Variants in MX1 observed in about 807,000 individuals in gnomAD.
MX1 encodes MX dynamin like GTPase 1.
In MX1, 66 loss-of-function variants were observed where a neutral mutation model predicts 66.4. The ratio of observed to expected loss-of-function variants is 0.99; its 90% CI spans 0.82 to 1.22. MX1 has a LOEUF of 1.22. Among genes scored for constraint, MX1 ranks in the 50% most tolerant of loss-of-function variants. MX1 has a pLI of 0.00. For missense variants in MX1, 787 were observed against 834.3 expected (o/e 0.94, Z 0.70); for synonymous variants, 311 against 318.1 (o/e 0.98, Z 0.24).
At position 41,441,698 on chromosome 21, in the gene MX1, A is replaced by T; in HGVS notation, c.731-18A>T. 6.2e-7 allele frequency: 1 copy of T among 1,613,954 alleles called. No homozygotes were observed. Among genetic ancestry groups the T allele is most frequent in the Non-Finnish European group, 8.5e-7 (1 of 1,179,852 alleles). ...CGTGACTGAGCACGTTCTCTCCCCA[A>T]ATACATCTGGCTCGCAGGAATCTTG... On this transcript the variant is annotated intron_variant, in intron 9 of 16. Coordinates refer to ENST00000398598, the MANE Select transcript of MX1 (RefSeq NM_002462.5). The surrounding 1 kb of genome is among the most constrained non-coding windows in gnomAD (Gnocchi z 4.0).
Position 41,441,662 on chromosome 21 carries a change from C to T in MX1, c.731-54C>T, listed in dbSNP as rs2090516463. 2 of 1,584,796 alleles carry T rather than the reference C, an allele frequency of 1.3e-6. No individual in the cohort carries two copies. Among genetic ancestry groups the T allele is most frequent in the African/African-American group, 2.7e-5 (2 of 74,458 alleles). On this transcript the variant is annotated intron_variant, in intron 9 of 16. Transcript: ENST00000398598. This position sits in a 1 kb window ranked among gnomAD's most constrained non-coding sequence, Gnocchi z 4.0. The stretch of plus-strand genomic sequence containing the variant: ...CCGGGGGCGTGAGCAGTTGTTCGTT[C>T]ACCTCTGCCTCGTGACTGAGCACGT...
Position 41,441,228 on chromosome 21 carries a change from C to A in MX1, c.730+203C>A. 1.4e-6 allele frequency: 1 copy of A among 709,258 alleles called. No homozygotes were observed. Among genetic ancestry groups the A allele is most frequent in the East Asian group, 2.9e-5 (1 of 34,870 alleles). The allele number at this position is 709,258 out of a possible 1,614,324, so 43.9% of individuals were successfully genotyped here. A position where few individuals can be genotyped will look rare whatever the true frequency, so the allele number is the denominator to read the frequency against. ...CTCCATGGGCTTTGCTCAGTGGGGA[C>A]CTGCCTCCACTAAGACCTGCTAAGG... On this transcript the variant is annotated intron_variant, in intron 9 of 16. Transcript: ENST00000398598. The surrounding 1 kb of genome is among the most constrained non-coding windows in gnomAD (Gnocchi z 4.0).
chr21:41,439,599 G>T (rs192825917), intron 7 of MX1, 95 bp from the exon 8 acceptor site: 141 of 1,192,688 alleles, frequency 1.2e-4, no homozygotes, highest in Non-Finnish European at 1.6e-4. Context: ...TCCATGACTC[G>T]CAGAGAGGAG....
chr21:41,441,112 G>GGTGAGAATGGGGGAGCCCGCCTGTGCTCA lies in MX1; in HGVS notation c.730+115_730+116insAGTGAGAATGGGGGAGCCCGCCTGTGCTC, dbSNP rs2090499084. 8.5e-7 allele frequency: 1 copy of GGTGAGAATGGGGGAGCCCGCCTGTGCTCA among 1,172,964 alleles called. No homozygotes were observed. The highest frequency in any genetic ancestry group is 1.5e-5 in the African/African-American group (1 of 64,832). The allele number at this position is 1,172,964 out of a possible 1,614,324, so 72.7% of individuals were successfully genotyped here. A position where few individuals can be genotyped will look rare whatever the true frequency, so the allele number is the denominator to read the frequency against. On this transcript the variant is annotated intron_variant, in intron 9 of 16. Coordinates refer to ENST00000398598, the MANE Select transcript of MX1 (RefSeq NM_002462.5). The surrounding 1 kb of genome is among the most constrained non-coding windows in gnomAD (Gnocchi z 4.0). ...AGAATGGGGGAGCCCACCTGTGCTCGGTGAGAATGGGGGAGCCCGCCTGTG... is the reference window on the plus strand; with the variant it reads ...AGAATGGGGGAGCCCACCTGTGCTCGGTGAGAATGGGGGAGCCCGCCTGTGCTCAGTGAGAATGGGGGAGCCCGCCTGTG...
At chr21:41,445,596 T>A in intron 12 of MX1, 26 bp downstream of exon 12, 2 of 1,613,800 alleles carry the variant, frequency 1.2e-6, no homozygotes, top group African/African-American at 1.3e-5. Context: ...TGCATGGAGC[T>A]GGAGAAGCAC....
At position 41,441,592 on chromosome 21, in the gene MX1, G is replaced by A; in HGVS notation, c.731-124G>A. 2 of 973,146 alleles carry A rather than the reference G, an allele frequency of 2.1e-6. No homozygotes were observed. The highest frequency in any genetic ancestry group is 3.3e-6 in the Non-Finnish European group (2 of 613,518). 60.3% of individuals were successfully genotyped at this position (973,146 alleles called of 1,614,324 possible). A position where few individuals can be genotyped will look rare whatever the true frequency, so the allele number is the denominator to read the frequency against. Reference sequence around the variant, plus strand: ...CCACTGCCCCCATGGTTCTGCAGGGGCTATGGCCTGTCCTCAAGCAAGGAT... The same window carrying A: ...CCACTGCCCCCATGGTTCTGCAGGGACTATGGCCTGTCCTCAAGCAAGGAT... On this transcript the variant is annotated intron_variant, in intron 9 of 16. Coordinates refer to ENST00000398598, the MANE Select transcript of MX1 (RefSeq NM_002462.5). This position sits in a 1 kb window ranked among gnomAD's most constrained non-coding sequence, Gnocchi z 4.0.
chr21:41,455,220 T>G (rs1168426035), intron 16 of MX1, among the ~76,000 whole-genome samples: 1 of 152,206 alleles, frequency 6.6e-6, no homozygotes, highest in Non-Finnish European at 1.5e-5. Context: ...TCTGCATTTC[T>G]AACGGGCTCT....
chr21:41,449,001 T>G (rs555559710), intron 13 of MX1, 136 bp from the exon 14 acceptor site: 1 of 617,794 alleles, frequency 1.6e-6, no homozygotes, highest in African/African-American at 1.9e-5. Context: ...ATTTTTAGTT[T>G]ACCAGTTAGA....
At chr21:41,436,709 G>A (rs2090372486) in intron 6 of MX1, among the ~76,000 whole-genome samples, 2 of 152,270 alleles carry the variant, frequency 1.3e-5, no homozygotes, top group African/African-American at 4.8e-5. Flanking sequence ...AGTTTCGGGG[G>A]ATTCCCAATG....
chr21:41,456,033 G>A (rs1386052356), intron 16 of MX1, among the ~76,000 whole-genome samples: 1 of 152,202 alleles, frequency 6.6e-6, no homozygotes, highest in Non-Finnish European at 1.5e-5. Context: ...CTTGAGGCCA[G>A]GAGTTTGAGA....
At position 41,446,073 on chromosome 21, in the gene MX1, G is replaced by T. The variant is rs370594768; in HGVS notation, c.1205G>T (p.Arg402Leu). Residue 402 changes from arginine to leucine, a missense_variant, in exon 13 of 17, where the codon CGG becomes CTG. Arg to Leu is a moderately radical substitution (Grantham distance 102). Transcript: ENST00000398598. The part of the protein sequence containing the change: ...GEETVGEEDI[R>L]LFTRLRHEFH... ...GAAACTGTAGGGGAGGAAGACATTC[G>T]GCTGTTTACCAGACTCCGACACGAG... The T allele has an allele frequency of 6.2e-7, 1 of 1,614,102 alleles. No homozygotes were observed.
chr21:41,452,581 T>C, intron 15 of MX1, 40 bp from the exon 16 acceptor site: 1 of 1,564,990 alleles, frequency 6.4e-7, no homozygotes, highest in Non-Finnish European at 8.6e-7. Context: ...CAGGAATTTG[T>C]GTCTTGAGGG....
chr21:41,431,870 T>A (rs1388094237), intron 4 of MX1, 180 bp from the exon 5 acceptor site: 1 of 554,082 alleles, frequency 1.8e-6, no homozygotes. Flanking sequence ...TTTCCGTGAA[T>A]AAAAAGCCAG....
At chr21:41,440,809 A>G in intron 8 of MX1, 78 bp from the exon 9 acceptor site, 1 of 1,562,830 alleles carries the variant, frequency 6.4e-7, no homozygotes, top group Non-Finnish European at 8.8e-7. Context: ...GCCTAAAGCA[A>G]GTGCAAGGTC....
At chr21:41,449,057 T>C in intron 13 of MX1, 80 bp from the exon 14 acceptor site, 1 of 1,334,778 alleles carries the variant, frequency 7.5e-7, no homozygotes, top group Non-Finnish European at 1.0e-6. Flanking sequence ...TTTCAGAAAA[T>C]TTAGAATGGT....
At chr21:41,437,283 T>C (rs1356240935) in intron 7 of MX1, 131 bp downstream of exon 7, 4 of 908,322 alleles carry the variant, frequency 4.4e-6, no homozygotes, top group African/African-American at 1.7e-5. Context: ...CAGGCCACGG[T>C]TCCTTCTACT....
intron 13 of MX1, 126 bp from the exon 14 acceptor site, chr21:41,449,011 A>T (rs1313011468): frequency 1.4e-6 from 1 of 732,670 alleles, no homozygotes; most frequent in African/African-American, 1.8e-5. Context: ...TACCAGTTAG[A>T]TTTGATTTGA....
chr21:41,431,215 G>A (rs1294354797), intron 4 of MX1, among the ~76,000 whole-genome samples: 1 of 152,098 alleles, frequency 6.6e-6, no homozygotes, highest in African/African-American at 2.4e-5. Flanking sequence ...TAGAGATGGG[G>A]TTTCACTATG....
At chr21:41,455,601 C>CATAT (rs148937984) in intron 16 of MX1, among the ~76,000 whole-genome samples, 1 of 152,356 alleles carries the variant, frequency 6.6e-6, no homozygotes, top group East Asian at 1.9e-4. Flanking sequence ...AGCTCCCATG[C>CATAT]ATATACATTT....
Sources: allele counts gnomAD v4.1 joint callset (sites outside exome capture counted in the v4.1 genomes callset), GRCh38; gene constraint gnomAD v4.1.1; non-coding constraint Gnocchi (gnomAD v3.1); transcripts MANE v1.5; gene names NCBI Gene and HGNC (gene_info 2026-07-23, HGNC 2026-07-21).